MARCHF8: variants seen among roughly 807,000 people sequenced by gnomAD.
MARCHF8 encodes membrane associated ring-CH-type finger 8.
A neutral mutation model predicts 51.6 loss-of-function variants in MARCHF8; 40 were observed. The ratio of observed to expected loss-of-function variants is 0.77; its 90% CI spans 0.60 to 1.01. The LOEUF (loss-of-function observed/expected upper bound fraction) is 1.01, where lower values mean the gene tolerates loss of function less well. Ranked by LOEUF, MARCHF8 falls within the 50% of genes least tolerant of loss-of-function variation. The probability of loss-of-function intolerance (pLI) is 0.00; values close to 1 mark genes in which losing one functional copy is unlikely to be tolerated. For synonymous variants in MARCHF8, 263 were observed against 280.3 expected, an observed-to-expected ratio of 0.94 and a Z score of 0.62; for missense variants, 685 against 708.6, an observed-to-expected ratio of 0.97 and a Z score of 0.38.
At chr10:45,515,448 A>G (rs2043602161) in intron 2 of MARCHF8, among the ~76,000 whole-genome samples, 2 of 152,218 alleles carry the variant, frequency 1.3e-5, no homozygotes, top group African/African-American at 4.8e-5. Context: ...TTGTTCTGCA[A>G]CAAACAAGTT....
intron 6 of MARCHF8, 56 bp from the exon 7 acceptor site, chr10:45,459,323 G>A (rs1227320831): frequency 1.7e-5 from 27 of 1,578,280 alleles, no homozygotes; most frequent in East Asian, 9.2e-5. Flanking sequence ...GCTCCGGTGG[G>A]GTGAGAGCAT....
chr10:45,565,407 C>G (rs1023560782), intron 1 of MARCHF8, among the ~76,000 whole-genome samples: 1 of 151,788 alleles, frequency 6.6e-6, no homozygotes, highest in African/African-American at 2.4e-5. Context: ...CCAGCCTGGG[C>G]GAGAGAGTAA....
intron 1 of MARCHF8, among the ~76,000 whole-genome samples, chr10:45,573,686 T>C (rs1235906013): frequency 6.6e-6 from 1 of 152,202 alleles, no homozygotes; most frequent in Non-Finnish European, 1.5e-5. Flanking sequence ...AGACTGATGC[T>C]GCCCGATCAC....
chr10:45,549,032 C>T (rs1324381832), intron 1 of MARCHF8, among the ~76,000 whole-genome samples: 8 of 151,900 alleles, frequency 5.3e-5, no homozygotes, highest in African/African-American at 1.7e-4. Context: ...AATAGTCTAC[C>T]TTCTTGAGCT....
intron 2 of MARCHF8, among the ~76,000 whole-genome samples, chr10:45,495,812 G>A (rs2043165194): frequency 1.4e-5 from 2 of 145,130 alleles, no homozygotes; most frequent in African/African-American, 2.6e-5. Context: ...GTGGGGAGGG[G>A]AGAAAGGAAA....
chr10:45,473,236 G>C (rs1371230318), intron 3 of MARCHF8, among the ~76,000 whole-genome samples: 1 of 152,202 alleles, frequency 6.6e-6, no homozygotes, highest in Non-Finnish European at 1.5e-5. Flanking sequence ...CAAATTCATT[G>C]AGATGTGCTT....
chr10:45,518,330 G>A (rs1398621212), intron 2 of MARCHF8, among the ~76,000 whole-genome samples: 1 of 152,174 alleles, frequency 6.6e-6, no homozygotes. Context: ...AGAGAGCTCC[G>A]ATGACACAGA....
chr10:45,530,960 C>T (rs944260141), intron 2 of MARCHF8, among the ~76,000 whole-genome samples: 1 of 151,840 alleles, frequency 6.6e-6, no homozygotes, highest in Non-Finnish European at 1.5e-5. Flanking sequence ...AGATCCAAAA[C>T]AAATGTCTAG....
intron 3 of MARCHF8, among the ~76,000 whole-genome samples, chr10:45,483,243 G>A (rs1436174903): frequency 3.9e-5 from 6 of 152,080 alleles, no homozygotes; most frequent in South Asian, 2.1e-4. Flanking sequence ...ACTACCCATC[G>A]AACAAGGAAC....
intron 3 of MARCHF8, among the ~76,000 whole-genome samples, chr10:45,481,384 A>G (rs1227513657): frequency 6.6e-6 from 1 of 152,176 alleles, no homozygotes; most frequent in Non-Finnish European, 1.5e-5. Context: ...ATGTGAGGAC[A>G]TGAGATTTGG....
intron 1 of MARCHF8, among the ~76,000 whole-genome samples, chr10:45,569,389 T>C (rs756241270): frequency 2.6e-5 from 4 of 152,210 alleles, no homozygotes; most frequent in Non-Finnish European, 4.4e-5. Context: ...TCTGTTGATA[T>C]CATGTACCAT....
intron 1 of MARCHF8, chr10:45,593,426 C>G (rs1225606640): frequency 6.6e-6 from 1 of 152,196 alleles, no homozygotes; most frequent in Non-Finnish European, 1.5e-5. Context: ...TCAGTTCTCT[C>G]AAAATCCAAA....
chr10:45,531,326 G>T (rs554834376), intron 2 of MARCHF8, among the ~76,000 whole-genome samples: 2 of 152,226 alleles, frequency 1.3e-5, no homozygotes, highest in South Asian at 4.1e-4. Context: ...AGAAGTCATT[G>T]TCAGCCAACT....
chr10:45,487,658 G>GGCA (rs1438053512), intron 3 of MARCHF8, among the ~76,000 whole-genome samples: 1 of 152,132 alleles, frequency 6.6e-6, no homozygotes, highest in African/African-American at 2.4e-5. Context: ...TTTTGTGAAA[G>GGCA]GCATTCCTAT....
At chr10:45,478,246 T>G (rs1198136832) in intron 3 of MARCHF8, among the ~76,000 whole-genome samples, 1 of 152,066 alleles carries the variant, frequency 6.6e-6, no homozygotes, top group Non-Finnish European at 1.5e-5. Context: ...AGAAATCAAC[T>G]AGAAACTGTA....
intron 3 of MARCHF8, among the ~76,000 whole-genome samples, chr10:45,475,716 G>A (rs1242118779): frequency 2.0e-5 from 3 of 152,028 alleles, no homozygotes; most frequent in Non-Finnish European, 4.4e-5. Flanking sequence ...CACCCACCCA[G>A]TTCGCCACTG....
intron 1 of MARCHF8, among the ~76,000 whole-genome samples, chr10:45,562,174 A>G (rs542929949): frequency 5.9e-5 from 9 of 152,150 alleles, no homozygotes; most frequent in Non-Finnish European, 1.2e-4. Flanking sequence ...GGACTCACAC[A>G]TGACTAATTT....
chr10:45,508,531 A>G (rs2043431868), intron 2 of MARCHF8, among the ~76,000 whole-genome samples: 1 of 152,162 alleles, frequency 6.6e-6, no homozygotes, highest in African/African-American at 2.4e-5. Context: ...ACTTGGTTAC[A>G]ACTTCACTTT....
At chr10:45,554,119 C>T (rs1156687098) in intron 1 of MARCHF8, among the ~76,000 whole-genome samples, 2 of 152,070 alleles carry the variant, frequency 1.3e-5, no homozygotes, top group Admixed American at 1.3e-4. Context: ...ACCAGACATC[C>T]CTATAGGAAT....
Sources: gnomAD v4.1 joint callset for allele counts (sites outside exome capture counted in the v4.1 genomes callset) on GRCh38, gnomAD v4.1.1 for gene constraint, MANE v1.5 for transcripts, NCBI Gene and HGNC (gene_info 2026-07-23, HGNC 2026-07-21) for gene names.